The following WWOX variants were observed in gnomAD, a reference collection of about 807,000 sequenced individuals.
WWOX encodes the protein WW domain-containing oxidoreductase.
In WWOX, 69 loss-of-function variants were observed where a neutral mutation model predicts 46.2. The ratio of observed to expected loss-of-function variants is 1.49; its 90% CI spans 1.23 to 1.82. The LOEUF (loss-of-function observed/expected upper bound fraction) is 1.82, where lower values mean the gene tolerates loss of function less well. WWOX is among the 40% of genes most tolerant of loss of function. The pLI is 0.00. For missense variants in WWOX, 919 were observed against 542.6 expected (o/e 1.69, Z -6.89); for synonymous variants, 359 against 202.6 (o/e 1.77, Z -6.56).
At chr16:78,121,929 G>C (rs2033115027) in intron 4 of WWOX, among the ~76,000 whole-genome samples, 1 of 152,102 alleles carries the variant, frequency 6.6e-6, no homozygotes, top group South Asian at 2.1e-4. Flanking sequence ...CCCAAATGCT[G>C]GGATTACAGG....
In WWOX at chr16:78,767,482, C is replaced by CTGTGTGTG. The variant is rs3051061; in HGVS notation, c.1056+334750_1056+334757dup. The stretch of plus-strand genomic sequence containing the variant: ...TGTTTCTGTGTGAGTGTGTGTGTGT[C>CTGTGTGTG]TGTGTGTGTGTGTGTGTGTGTGTGT... On this transcript the variant is annotated intron_variant, in intron 8 of 8. Coordinates refer to ENST00000566780, the MANE Select transcript of WWOX (RefSeq NM_016373.4). Among the ~76,000 whole-genome samples, 1,042 of 143,124 alleles carry CTGTGTGTG rather than the reference C, an allele frequency of 7.3e-3. 9 individuals are homozygous for CTGTGTGTG. Among genetic ancestry groups the CTGTGTGTG allele is most frequent in the African/African-American group, 0.028 (996 of 35,532 alleles). 93.9% of individuals were successfully genotyped at this position (143,124 alleles called of 152,430 possible). A position where few individuals can be genotyped will look rare whatever the true frequency, so the allele number is the denominator to read the frequency against.
intron 8 of WWOX, among the ~76,000 whole-genome samples, chr16:78,943,164 T>C (rs2045884707): frequency 6.6e-6 from 1 of 152,216 alleles, no homozygotes. Flanking sequence ...ATAGTTGTCA[T>C]TTGAGTGCTT....
chr16:78,966,514 T>C (rs1477650311), intron 8 of WWOX, among the ~76,000 whole-genome samples: 1 of 149,908 alleles, frequency 6.7e-6, no homozygotes, highest in African/African-American at 2.5e-5. Context: ...TGACTGTAGT[T>C]TTTTTTTTAA....
At chr16:78,431,550 C>T (rs946459532) in intron 7 of WWOX, among the ~76,000 whole-genome samples, 2 of 152,078 alleles carry the variant, frequency 1.3e-5, no homozygotes, top group African/African-American at 4.8e-5. Context: ...AGACACTTTT[C>T]TGTTTAATTT....
intron 8 of WWOX, among the ~76,000 whole-genome samples, chr16:78,469,960 G>C (rs184720340): frequency 3.3e-5 from 5 of 152,248 alleles, no homozygotes; most frequent in Non-Finnish European, 5.9e-5. Context: ...ATGTTGGTAC[G>C]TTATTGAAGG....
chr16:79,017,240 C>T (rs922369079), intron 8 of WWOX: 2 of 151,758 alleles, frequency 1.3e-5, no homozygotes, highest in East Asian at 3.9e-4. Flanking sequence ...ACCATCCTGG[C>T]TAACACAGTG....
intron 8 of WWOX, among the ~76,000 whole-genome samples, chr16:78,484,232 T>C (rs1455785498): frequency 6.6e-6 from 1 of 152,242 alleles, no homozygotes; most frequent in Non-Finnish European, 1.5e-5. Flanking sequence ...AATACTTTTG[T>C]ACCTTTCTCT....
chr16:78,760,879 T>C lies in WWOX; in HGVS notation c.1056+328127T>C, dbSNP rs573773593. On this transcript the variant is annotated intron_variant, in intron 8 of 8. Coordinates refer to ENST00000566780, the MANE Select transcript of WWOX (RefSeq NM_016373.4). ...CCCCATGTCTGGGGAGGCCTCACAATCATAATGGAAGGGGAAAGGCGCATC... is the reference window on the plus strand; with the variant it reads ...CCCCATGTCTGGGGAGGCCTCACAACCATAATGGAAGGGGAAAGGCGCATC... 7.9e-5 allele frequency among the ~76,000 whole-genome samples: 12 copies of C among 152,206 alleles called. No individual in the cohort carries two copies. The East Asian group carries it at 2.3e-3, about 29-fold the overall frequency.
chr16:78,197,919 C>T (rs979383023), intron 5 of WWOX, among the ~76,000 whole-genome samples: 3 of 152,192 alleles, frequency 2.0e-5, no homozygotes, highest in Non-Finnish European at 4.4e-5. Context: ...ACTCCTCCTC[C>T]TTCCCTGTAC....
At chr16:78,302,480 C>A (rs971870700) in intron 5 of WWOX, among the ~76,000 whole-genome samples, 1 of 152,178 alleles carries the variant, frequency 6.6e-6, no homozygotes. Flanking sequence ...TCCACTGCCT[C>A]AGGAGATATT....
rs192518295 is a variant in WWOX, at chr16:78,877,616, A to T, written c.1057-333992A>T. On this transcript the variant is annotated intron_variant, in intron 8 of 8. Transcript: ENST00000566780. ...CACATAGATACAGACATAGATGTGG[A>T]CATAGATAGAGACATAGACATACAT... Among the ~76,000 whole-genome samples, 6 of 152,334 alleles carry T rather than the reference A, an allele frequency of 3.9e-5. No homozygotes were observed. The East Asian group carries it at 9.6e-4, about 24-fold the overall frequency.
intron 5 of WWOX, among the ~76,000 whole-genome samples, chr16:78,331,098 A>T (rs141907795): frequency 1.0e-3 from 154 of 152,260 alleles, no homozygotes; most frequent in Middle Eastern, 3.4e-3. Context: ...GATTTTTTTC[A>T]AAGTCTGTTT....
chr16:78,630,251 G>C (rs989424302), intron 8 of WWOX, among the ~76,000 whole-genome samples: 1 of 152,176 alleles, frequency 6.6e-6, no homozygotes, highest in Non-Finnish European at 1.5e-5. Flanking sequence ...CACTGTTGCT[G>C]TGTGGGAAAG....
chr16:78,287,804 T>G (rs1234005010), intron 5 of WWOX, among the ~76,000 whole-genome samples: 29 of 152,190 alleles, frequency 1.9e-4, no homozygotes, highest in Admixed American at 1.9e-3. Context: ...TAAAAAAATT[T>G]TTTTAAGATC....
chr16:78,977,759 C>A (rs377703573), intron 8 of WWOX, among the ~76,000 whole-genome samples: 68 of 152,116 alleles, frequency 4.5e-4, no homozygotes, highest in African/African-American at 1.6e-3. Flanking sequence ...CTGAAGGACC[C>A]CCTTCCTAGG....
intron 8 of WWOX, among the ~76,000 whole-genome samples, chr16:78,698,635 A>G (rs2048149067): frequency 6.6e-6 from 1 of 152,166 alleles, no homozygotes; most frequent in Admixed American, 6.5e-5. Context: ...ACTTTTCCTG[A>G]CAAACTTCCC....
intron 8 of WWOX, among the ~76,000 whole-genome samples, chr16:78,951,238 G>A (rs377726625): frequency 2.0e-4 from 31 of 152,308 alleles, no homozygotes; most frequent in African/African-American, 6.5e-4. Flanking sequence ...TCTCTCAGCT[G>A]TACTTCCATC....
At chr16:78,180,796 A>G (rs2035508467) in intron 5 of WWOX, among the ~76,000 whole-genome samples, 1 of 152,212 alleles carries the variant, frequency 6.6e-6, no homozygotes. Context: ...GCTAGCAGGT[A>G]AACCCAGCTG....
chr16:78,133,009 G>C (rs1053571063), intron 4 of WWOX, among the ~76,000 whole-genome samples: 1 of 152,062 alleles, frequency 6.6e-6, no homozygotes, highest in Non-Finnish European at 1.5e-5. Flanking sequence ...TTTCTGGATG[G>C]TATTTGGATC....
Sources: allele counts gnomAD v4.1 joint callset (sites outside exome capture counted in the v4.1 genomes callset), GRCh38; gene constraint gnomAD v4.1.1; transcripts MANE v1.5; gene names NCBI Gene and HGNC (gene_info 2026-07-23, HGNC 2026-07-21).